PPP2R2B: variants seen among roughly 807,000 people sequenced by gnomAD.
PPP2R2B encodes serine/threonine-protein phosphatase 2A 55 kDa regulatory subunit B beta isoform.
Under a neutral mutation model 46.0 loss-of-function variants are expected in PPP2R2B, and 5 were observed. The ratio of observed to expected loss-of-function variants is 0.11; its 90% CI spans 0.06 to 0.23. PPP2R2B has a LOEUF of 0.23. Ranked by LOEUF, PPP2R2B falls within the 10% of genes least tolerant of loss-of-function variation. The pLI is 1.00. For missense variants in PPP2R2B, 367 were observed against 575.0 expected (o/e 0.64, Z 3.70); for synonymous variants, 215 against 206.7 (o/e 1.04, Z -0.34).
chr5:146,804,154 GA>G (rs1757033677), intron 2 of PPP2R2B, among the ~76,000 whole-genome samples: 1 of 150,832 alleles, frequency 6.6e-6, no homozygotes. Context: ...GTGACAGAGG[GA>G]GACTCTGTCT....
intron 5 of PPP2R2B, among the ~76,000 whole-genome samples, chr5:146,651,895 C>T (rs924395682): frequency 6.6e-6 from 1 of 152,130 alleles, no homozygotes; most frequent in Non-Finnish European, 1.5e-5. Flanking sequence ...AAAGAATTCT[C>T]CCAGTTCAGA....
intron 1 of PPP2R2B, among the ~76,000 whole-genome samples, chr5:146,910,954 C>T (rs1763155928): frequency 6.6e-6 from 1 of 152,152 alleles, no homozygotes; most frequent in African/African-American, 2.4e-5. Flanking sequence ...TGTCACAGGG[C>T]TTCTACATAG....
chr5:147,024,922 A>G (rs1009789133), intron 1 of PPP2R2B, among the ~76,000 whole-genome samples: 4 of 152,100 alleles, frequency 2.6e-5, no homozygotes, highest in Admixed American at 2.0e-4. Context: ...AAAAAGAAGA[A>G]CTGAGCAAAC....
intron 4 of PPP2R2B, among the ~76,000 whole-genome samples, chr5:146,693,334 C>T (rs1203839060): frequency 2.0e-5 from 3 of 152,058 alleles, no homozygotes; most frequent in African/African-American, 4.8e-5. Context: ...CTCATCTCAG[C>T]CTCCAGAGTA....
At chr5:146,653,246 C>T (rs913069578) in intron 5 of PPP2R2B, among the ~76,000 whole-genome samples, 1 of 152,110 alleles carries the variant, frequency 6.6e-6, no homozygotes, top group Non-Finnish European at 1.5e-5. Flanking sequence ...TGAAATATCA[C>T]ACAGGGTAGG....
chr5:146,800,958 GTA>G (rs1297752726), intron 2 of PPP2R2B, among the ~76,000 whole-genome samples: 1 of 151,530 alleles, frequency 6.6e-6, no homozygotes, highest in Non-Finnish European at 1.5e-5. Flanking sequence ...ATACACACAT[GTA>G]TATATATGTG....
At chr5:146,681,503 T>C (rs2151137478) in intron 5 of PPP2R2B, among the ~76,000 whole-genome samples, 1 of 152,320 alleles carries the variant, frequency 6.6e-6, no homozygotes, top group African/African-American at 2.4e-5. Flanking sequence ...TGAATGTCTT[T>C]CCCATTACGC....
intron 1 of PPP2R2B, among the ~76,000 whole-genome samples, chr5:147,022,581 A>G (rs1755334600): frequency 1.3e-5 from 2 of 152,078 alleles, no homozygotes; most frequent in South Asian, 4.1e-4. Flanking sequence ...CAAATTTAAT[A>G]AGAAAATAAA....
At chr5:146,779,824 C>T (rs1179924008) in intron 2 of PPP2R2B, among the ~76,000 whole-genome samples, 1 of 152,102 alleles carries the variant, frequency 6.6e-6, no homozygotes, top group African/African-American at 2.4e-5. Context: ...TCCCTCCCTT[C>T]TGTTCAGTTT....
intron 1 of PPP2R2B, among the ~76,000 whole-genome samples, chr5:146,981,310 A>C (rs532717845): frequency 9.9e-5 from 15 of 152,252 alleles, no homozygotes; most frequent in African/African-American, 3.6e-4. Flanking sequence ...AGTCCTCACA[A>C]CTAGAAGTTT....
At chr5:146,767,539 T>TACATACAC (rs1554134320) in intron 2 of PPP2R2B, among the ~76,000 whole-genome samples, 5 of 150,428 alleles carry the variant, frequency 3.3e-5, no homozygotes, top group African/African-American at 1.2e-4. Flanking sequence ...CACACATACA[T>TACATACAC]ACACACACAC....
intron 2 of PPP2R2B, among the ~76,000 whole-genome samples, chr5:147,079,205 A>G (rs1196345386): frequency 6.6e-6 from 1 of 151,764 alleles, no homozygotes; most frequent in African/African-American, 2.4e-5. Context: ...TTTTAGATTC[A>G]GTAATCCCAC....
chr5:146,892,296 C>A (rs543473917), intron 1 of PPP2R2B, among the ~76,000 whole-genome samples: 1 of 152,228 alleles, frequency 6.6e-6, no homozygotes, highest in African/African-American at 2.4e-5. Context: ...GCACACATGC[C>A]ACACAGGGGG....
intron 1 of PPP2R2B, among the ~76,000 whole-genome samples, chr5:146,931,189 C>G (rs181999626): frequency 6.6e-6 from 1 of 152,072 alleles, no homozygotes; most frequent in Admixed American, 6.5e-5. Context: ...CAGAACCTTC[C>G]GCAATAATAC....
intron 2 of PPP2R2B, among the ~76,000 whole-genome samples, chr5:146,820,396 G>T (rs1373567766): frequency 1.3e-5 from 2 of 152,102 alleles, no homozygotes; most frequent in Admixed American, 1.3e-4. Flanking sequence ...GTAAAATGGA[G>T]CAGCCAGTTA....
At chr5:146,949,158 G>A (rs1045285632) in intron 1 of PPP2R2B, among the ~76,000 whole-genome samples, 3 of 151,988 alleles carry the variant, frequency 2.0e-5, no homozygotes, top group Non-Finnish European at 2.9e-5. Flanking sequence ...GACATGAGTG[G>A]TACTATTAAG....
At chr5:146,590,716 A>G (rs1770551861) in intron 9 of PPP2R2B, among the ~76,000 whole-genome samples, 1 of 152,150 alleles carries the variant, frequency 6.6e-6, no homozygotes, top group Non-Finnish European at 1.5e-5. Flanking sequence ...GCATCAGTGC[A>G]GTGAGGGGAG....
chr5:146,712,841 C>G (rs1194695563), intron 2 of PPP2R2B, among the ~76,000 whole-genome samples: 1 of 152,148 alleles, frequency 6.6e-6, no homozygotes, highest in African/African-American at 2.4e-5. Context: ...CTCCAAACAA[C>G]GTCTCAAGAT....
chr5:146,598,535 C>T (rs1347605331), intron 8 of PPP2R2B, among the ~76,000 whole-genome samples: 1 of 152,158 alleles, frequency 6.6e-6, no homozygotes, highest in East Asian at 1.9e-4. Context: ...TGTCTACCTG[C>T]TGTGTCTGTT....
Sources: gnomAD v4.1 joint callset for allele counts (sites outside exome capture counted in the v4.1 genomes callset) on GRCh38, gnomAD v4.1.1 for gene constraint, MANE v1.5 for transcripts, NCBI Gene and HGNC (gene_info 2026-07-23, HGNC 2026-07-21) for gene names.